Variants in CLVS1 observed in about 807,000 individuals in gnomAD.
CLVS1 encodes clavesin 1.
In CLVS1, 10 loss-of-function variants were observed where a neutral mutation model predicts 33.1. The observed-to-expected ratio is 0.30, with a 90% CI of 0.19 to 0.51. CLVS1 has a LOEUF of 0.51. CLVS1 is among the 20% of genes least tolerant of loss of function. The pLI is 0.97. For missense variants in CLVS1, 343 were observed against 433.4 expected, an observed-to-expected ratio of 0.79 and a Z score of 1.85; for synonymous variants, 163 against 166.1, an observed-to-expected ratio of 0.98 and a Z score of 0.14.
intron 2 of CLVS1, among the ~76,000 whole-genome samples, chr8:61,139,688 T>C (rs1563417550): frequency 6.6e-6 from 1 of 151,680 alleles, no homozygotes; most frequent in Non-Finnish European, 1.5e-5. Flanking sequence ...GAGAGAGGGC[T>C]GCCAGGATCG....
At chr8:60,975,737 C>T in the CLVS1 span, among the ~76,000 whole-genome samples, 1 of 152,148 alleles carries the variant, frequency 6.6e-6, no homozygotes, top group African/African-American at 2.4e-5. Flanking sequence ...GACATCCTTC[C>T]TCACCCCCTC....
intron 3 of CLVS1, among the ~76,000 whole-genome samples, chr8:61,412,187 G>A (rs990240177): frequency 6.6e-6 from 1 of 152,188 alleles, no homozygotes; most frequent in East Asian, 1.9e-4. Context: ...TGATGATTTG[G>A]TGGAGGATGT....
rs573199242 is a variant in CLVS1, at chr8:61,125,169, G to T, written c.-242-6601G>T. 8.6e-5 allele frequency among the ~76,000 whole-genome samples: 13 copies of T among 152,046 alleles called. No homozygotes were observed. In the South Asian group the frequency reaches 1.5e-3, roughly 17 times the overall value. ...ATACACTCAAAATGACAATCTCAAG[G>T]TTCTACCCCAGGCATTAGAACCCCA... On this transcript the variant is annotated intron_variant, in intron 1 of 2. Coordinates refer to the CLVS1 transcript ENST00000522621.
chr8:61,420,973 AAAAC>A (rs913329529), intron 3 of CLVS1, among the ~76,000 whole-genome samples: 13 of 152,248 alleles, frequency 8.5e-5, no homozygotes, highest in Non-Finnish European at 1.5e-4. Context: ...GTCCATCTCA[AAAAC>A]AAACAAAGAA....
chr8:61,289,499 A>G (rs1276399535), intron 1 of CLVS1, among the ~76,000 whole-genome samples: 1 of 152,200 alleles, frequency 6.6e-6, no homozygotes, highest in Admixed American at 6.5e-5. Flanking sequence ...CATTTAATTG[A>G]TTTTTACTGA....
At chr8:61,454,041 G>T in intron 3 of CLVS1, 100 bp from the exon 4 acceptor site, 1 of 797,742 alleles carries the variant, frequency 1.3e-6, no homozygotes, top group Non-Finnish European at 2.2e-6. Flanking sequence ...GCTTCTACCA[G>T]GCAGGAAAAA....
intron 2 of CLVS1, among the ~76,000 whole-genome samples, chr8:61,282,353 G>A (rs1196831509): frequency 1.3e-5 from 2 of 152,196 alleles, no homozygotes; most frequent in African/African-American, 4.8e-5. Context: ...GCTGGTAGAA[G>A]CAGGGGAAAT....
intron 2 of CLVS1, among the ~76,000 whole-genome samples, chr8:61,302,756 A>C (rs1425221778): frequency 1.3e-5 from 2 of 152,218 alleles, no homozygotes; most frequent in East Asian, 1.9e-4. Context: ...TTTATGAAGG[A>C]AAGAGGTTTA....
chr8:60,967,799 G>A, the CLVS1 span: 1 of 413,976 alleles, frequency 2.4e-6, no homozygotes, highest in South Asian at 1.7e-5. Flanking sequence ...AGTACTCAGG[G>A]CTGCCTCCTA....
intron 2 of CLVS1, among the ~76,000 whole-genome samples, chr8:61,170,650 C>G (rs925610926): frequency 6.6e-6 from 1 of 152,156 alleles, no homozygotes; most frequent in East Asian, 1.9e-4. Flanking sequence ...CCTCTCTGAG[C>G]CTTGACATCC....
At chr8:61,156,733 C>T (rs1053039598) in intron 2 of CLVS1, among the ~76,000 whole-genome samples, 3 of 152,064 alleles carry the variant, frequency 2.0e-5, no homozygotes, top group African/African-American at 7.2e-5. Flanking sequence ...ATATTATTCC[C>T]AAAATGTCAA....
At chr8:61,142,530 A>T (rs1353705454) in intron 2 of CLVS1, among the ~76,000 whole-genome samples, 1 of 152,220 alleles carries the variant, frequency 6.6e-6, no homozygotes, top group Non-Finnish European at 1.5e-5. Flanking sequence ...GAAAAAAGGG[A>T]AAGGAAGAAA....
chr8:61,283,985 T>A (rs1342969883), upstream of CLVS1, among the ~76,000 whole-genome samples: 1 of 152,102 alleles, frequency 6.6e-6, no homozygotes, highest in Non-Finnish European at 1.5e-5. Context: ...TCGGCCTAAG[T>A]GTAAGTGTTT....
intron 2 of CLVS1, among the ~76,000 whole-genome samples, chr8:61,154,354 A>G (rs1244700047): frequency 1.3e-5 from 2 of 152,184 alleles, no homozygotes; most frequent in African/African-American, 4.8e-5. Context: ...AATGCAGTGG[A>G]GGTAACATCT....
chr8:61,120,322 C>T (rs1805829687), intron 1 of CLVS1, among the ~76,000 whole-genome samples: 1 of 126,718 alleles, frequency 7.9e-6, no homozygotes, highest in Non-Finnish European at 1.6e-5. Context: ...GTTTGAATGT[C>T]CTCCCGTAGC....
intron 2 of CLVS1, among the ~76,000 whole-genome samples, chr8:61,180,429 A>C (rs1189406739): frequency 1.3e-5 from 2 of 152,238 alleles, no homozygotes; most frequent in Non-Finnish European, 2.9e-5. Flanking sequence ...AGCTGGTACC[A>C]TTCCTACTGA....
intron 2 of CLVS1, among the ~76,000 whole-genome samples, chr8:61,344,929 A>G (rs1236458306): frequency 6.6e-6 from 1 of 152,034 alleles, no homozygotes. Context: ...AAGAAAGTGG[A>G]AAAGTACCAC....
intron 2 of CLVS1, among the ~76,000 whole-genome samples, chr8:61,177,802 CA>C (rs58292797): frequency 0.12 from 16,492 of 141,170 alleles, 1,240 homozygotes; most frequent in African/African-American, 0.22. Context: ...ACAACAGCAT[CA>C]AAAAAAAAAA....
intron 2 of CLVS1, among the ~76,000 whole-genome samples, chr8:61,162,045 T>C (rs1208924059): frequency 6.6e-6 from 1 of 151,990 alleles, no homozygotes. Flanking sequence ...GTTTGGATAA[T>C]AGCAAGAGCT....
Sources: allele counts gnomAD v4.1 joint callset (sites outside exome capture counted in the v4.1 genomes callset), GRCh38; gene constraint gnomAD v4.1.1; transcripts MANE v1.5; gene names NCBI Gene and HGNC (gene_info 2026-07-23, HGNC 2026-07-21).